SNX25: variants seen among roughly 807,000 people sequenced by gnomAD.
The protein encoded by SNX25 is sorting nexin 25, also known as sorting nexin-25.
In SNX25, 62 loss-of-function variants were observed where a neutral mutation model predicts 113.7. The ratio of observed to expected loss-of-function variants is 0.55; its 90% CI spans 0.44 to 0.67. The LOEUF (loss-of-function observed/expected upper bound fraction) is 0.67. Ranked by LOEUF, SNX25 falls within the 30% of genes least tolerant of loss-of-function variation. The pLI, the probability that SNX25 is intolerant of heterozygous loss-of-function variation, is 0.00. For missense variants in SNX25, 1,014 were observed against 1,161.0 expected, an observed-to-expected ratio of 0.87 and a Z score of 1.84; for synonymous variants, 421 against 436.2, an observed-to-expected ratio of 0.97 and a Z score of 0.43.
In SNX25 at chr4:185,210,832, G is replaced by A. The variant is rs891942830; in HGVS notation, c.429+577G>A. 3.9e-5 allele frequency among the ~76,000 whole-genome samples: 6 copies of A among 152,048 alleles called. No homozygotes were observed. The highest frequency in any genetic ancestry group is 8.8e-5 in the Non-Finnish European group (6 of 68,020). ...CGCTGGCTTCTGTGATTTGGAAGGG[G>A]GATGCCAGAAATCACTGGTTTGCAA... On this transcript the variant is annotated intron_variant, in intron 1 of 18. Transcript: ENST00000652585. The surrounding 1 kb of genome is among the most constrained non-coding windows in gnomAD (Gnocchi z 4.4).
intron 2 of SNX25, 69 bp from the exon 3 acceptor site, chr4:185,258,779 A>C: frequency 7.7e-7 from 1 of 1,295,782 alleles, no homozygotes; most frequent in Non-Finnish European, 1.1e-6. Flanking sequence ...GCCAGTTTCC[A>C]GTAGAAATGC....
chr4:185,216,292 T>C (rs560560641), intron 1 of SNX25, among the ~76,000 whole-genome samples: 10 of 152,192 alleles, frequency 6.6e-5, no homozygotes, highest in Non-Finnish European at 1.5e-4. Flanking sequence ...GAGAAGTTTT[T>C]GATACATATA....
At chr4:185,316,160 G>C (rs1209044167) in intron 7 of SNX25, among the ~76,000 whole-genome samples, 1 of 152,180 alleles carries the variant, frequency 6.6e-6, no homozygotes, top group Non-Finnish European at 1.5e-5. Flanking sequence ...TAACTAGAAA[G>C]TGACTTCTTA....
chr4:185,378,541 A>G, the SNX25 span: 1 of 1,038,790 alleles, frequency 9.6e-7, no homozygotes, highest in African/African-American at 1.7e-5. Context: ...ACCTGGTGAC[A>G]CTGCCCACAG....
chr4:185,216,562 C>T (rs1028783382), intron 1 of SNX25, among the ~76,000 whole-genome samples: 3 of 140,612 alleles, frequency 2.1e-5, no homozygotes, highest in East Asian at 2.2e-4. Flanking sequence ...TCTTGTTGCC[C>T]AGGCTGGAGT....
chr4:185,218,892 G>GT (rs34422930), intron 1 of SNX25, among the ~76,000 whole-genome samples: 2 of 151,886 alleles, frequency 1.3e-5, no homozygotes, highest in South Asian at 4.2e-4. Context: ...TAATTTTAAA[G>GT]TTTTTTTTAA....
chr4:185,237,901 A>G (rs1197704411), intron 1 of SNX25, among the ~76,000 whole-genome samples: 1 of 151,634 alleles, frequency 6.6e-6, no homozygotes, highest in Non-Finnish European at 1.5e-5. Flanking sequence ...CGTCTCTACT[A>G]TAAATACAAA....
chr4:185,213,152 C>A (rs973561502), intron 1 of SNX25, among the ~76,000 whole-genome samples: 4 of 152,180 alleles, frequency 2.6e-5, no homozygotes, highest in African/African-American at 7.2e-5. Flanking sequence ...ATAATTGACA[C>A]CTTTTGTTAT....
chr4:185,375,502 A>ATATATATG, the SNX25 span: 6 of 78,330 alleles, frequency 7.7e-5, no homozygotes, highest in African/African-American at 4.1e-4. Context: ...ATATATATAT[A>ATATATATG]TATATATATA....
chr4:185,346,757 T>C, intron 13 of SNX25, 107 bp downstream of exon 13: 1 of 659,512 alleles, frequency 1.5e-6, no homozygotes, highest in South Asian at 2.2e-5. Flanking sequence ...TCACAAGCCA[T>C]GCTAGATGCT....
chr4:185,350,602 C>T (rs1348769223), intron 13 of SNX25, among the ~76,000 whole-genome samples: 1 of 152,210 alleles, frequency 6.6e-6, no homozygotes, highest in Admixed American at 6.5e-5. Context: ...GTGGCTCACG[C>T]CTGTAATCCC....
chr4:185,251,710 A>T (rs1251961650), intron 2 of SNX25, among the ~76,000 whole-genome samples: 1 of 151,242 alleles, frequency 6.6e-6, no homozygotes. Context: ...ATTGTAATTG[A>T]TGCTGCTATG....
chr4:185,332,067 A>G (rs1579819723), intron 9 of SNX25, among the ~76,000 whole-genome samples: 1 of 152,246 alleles, frequency 6.6e-6, no homozygotes, highest in African/African-American at 2.4e-5. Context: ...TCACTTTCAA[A>G]TGCTATTTTA....
chr4:185,324,592 G>C (rs1285925437), intron 9 of SNX25, among the ~76,000 whole-genome samples: 2 of 152,102 alleles, frequency 1.3e-5, no homozygotes, highest in South Asian at 4.2e-4. Context: ...AGGTTATCTC[G>C]GGGCTGGCTT....
chr4:185,370,537 G>A, downstream of SNX25: 1 of 1,192,556 alleles, frequency 8.4e-7, no homozygotes, highest in Non-Finnish European at 1.2e-6. Flanking sequence ...TATCTGCACA[G>A]TAATTGAGTA....
chr4:185,375,640 A>G, the SNX25 span: 9 of 1,610,758 alleles, frequency 5.6e-6, no homozygotes, highest in Non-Finnish European at 5.9e-6. Context: ...CCAGCCCATC[A>G]TAGTACATCA....
chr4:185,292,168 A>G (rs554863915), intron 6 of SNX25, among the ~76,000 whole-genome samples: 1 of 152,312 alleles, frequency 6.6e-6, no homozygotes, highest in Non-Finnish European at 1.5e-5. Flanking sequence ...CTGGAACTGT[A>G]TAGGTAGTTC....
chr4:185,289,363 G>T (rs911134187), intron 6 of SNX25, among the ~76,000 whole-genome samples: 1 of 152,210 alleles, frequency 6.6e-6, no homozygotes, highest in Non-Finnish European at 1.5e-5. Flanking sequence ...TGGTTCTGCT[G>T]CAGGGGAGGC....
chr4:185,233,947 T>C (rs112372999), intron 1 of SNX25, among the ~76,000 whole-genome samples: 2 of 152,140 alleles, frequency 1.3e-5, no homozygotes, highest in East Asian at 1.9e-4. Context: ...AAACTCTGCC[T>C]CCCGGGTTCA....
Sources: allele counts gnomAD v4.1 joint callset (sites outside exome capture counted in the v4.1 genomes callset), GRCh38; gene constraint gnomAD v4.1.1; non-coding constraint Gnocchi (gnomAD v3.1); transcripts MANE v1.5; gene names NCBI Gene and HGNC (gene_info 2026-07-23, HGNC 2026-07-21).